Variants in DGKG observed in about 807,000 individuals in gnomAD.
DGKG encodes the protein diacylglycerol kinase gamma, also known as DAG kinase gamma.
In DGKG, 78 loss-of-function variants were observed where a neutral mutation model predicts 105.3. That is an observed-to-expected ratio of 0.74 (90% CI 0.62 to 0.89). The LOEUF is 0.89. Ranked by LOEUF, DGKG falls within the 40% of genes least tolerant of loss-of-function variation. The pLI, the probability that DGKG is intolerant of heterozygous loss-of-function variation, is 0.00. For synonymous variants in DGKG, 346 were observed against 367.1 expected, an observed-to-expected ratio of 0.94 and a Z score of 0.66; for missense variants, 958 against 1,020.1, an observed-to-expected ratio of 0.94 and a Z score of 0.83.
intron 22 of DGKG, among the ~76,000 whole-genome samples, chr3:186,181,703 A>G (rs994487693): frequency 1.3e-5 from 2 of 152,262 alleles, no homozygotes; most frequent in Non-Finnish European, 2.9e-5. Flanking sequence ...ATTGCACTCC[A>G]GCCTGGGCAA....
At chr3:186,280,837 G>T in intron 7 of DGKG, 93 bp from the exon 8 acceptor site, 1 of 1,013,432 alleles carries the variant, frequency 9.9e-7, no homozygotes, top group Non-Finnish European at 1.5e-6. Flanking sequence ...GTGGGAAGAG[G>T]GACAGGGCAG....
chr3:186,271,658 G>A (rs1471881881), intron 11 of DGKG, among the ~76,000 whole-genome samples: 1 of 152,120 alleles, frequency 6.6e-6, no homozygotes, highest in Non-Finnish European at 1.5e-5. Flanking sequence ...CACTCAGCTG[G>A]CCTCATAAGA....
At chr3:186,202,551 C>A (rs1215883089) in intron 21 of DGKG, among the ~76,000 whole-genome samples, 1 of 152,214 alleles carries the variant, frequency 6.6e-6, no homozygotes, top group African/African-American at 2.4e-5. Context: ...TCTAAAAAGT[C>A]TAGGTCATTT....
chr3:186,266,215 A>C (rs1457863046), intron 13 of DGKG, among the ~76,000 whole-genome samples: 1 of 152,196 alleles, frequency 6.6e-6, no homozygotes, highest in Non-Finnish European at 1.5e-5. Context: ...TGAATTTCAT[A>C]TAATGGATTC....
rs140036781 is a variant in DGKG at position 186,298,199 on chromosome 3, T to C, written c.175A>G (p.Met59Val). Residue 59 changes from methionine (M) to valine (V), a missense_variant, in exon 4 of 25, where the codon ATG becomes GTG. This residue lies in a region of DGKG where 643 missense variants were observed against 619.5 expected (regional missense o/e 1.04). Transcript: ENST00000265022. The part of the protein sequence containing the change: ...PISYDVFKLF[M>V]RAYLEVDLPQ... Reference sequence around the variant, plus strand: ...AGGTCCACCTCCAGGTACGCCCTCATGAACAGCTTGAAGACATCATAGCTA... The same window carrying C: ...AGGTCCACCTCCAGGTACGCCCTCACGAACAGCTTGAAGACATCATAGCTA... 8.7e-6 allele frequency: 14 copies of C among 1,611,170 alleles called. No homozygotes were observed. In the East Asian group the frequency reaches 1.6e-4, roughly 18 times the overall value.
At chr3:186,297,171 G>T (rs1476473028) in intron 5 of DGKG, among the ~76,000 whole-genome samples, 2 of 151,712 alleles carry the variant, frequency 1.3e-5, no homozygotes, top group Non-Finnish European at 2.9e-5. Context: ...CATCTAGCAA[G>T]CTGTCCCAAG....
chr3:186,247,483 C>T (rs1050057048), intron 19 of DGKG, among the ~76,000 whole-genome samples: 3 of 152,098 alleles, frequency 2.0e-5, no homozygotes, highest in Non-Finnish European at 2.9e-5. Context: ...CAGTGGAGTC[C>T]GCCTCTATTT....
intron 1 of DGKG, among the ~76,000 whole-genome samples, chr3:186,357,672 CACA>C (rs1190829741): frequency 6.6e-6 from 1 of 152,124 alleles, no homozygotes; most frequent in African/African-American, 2.4e-5. Context: ...CTAATATTAC[CACA>C]ACATTTACTA....
At chr3:186,355,403 TCACCAC>T (rs148873242) in intron 1 of DGKG, among the ~76,000 whole-genome samples, 4 of 125,054 alleles carry the variant, frequency 3.2e-5, no homozygotes, top group South Asian at 2.8e-4. Flanking sequence ...ATCACCACTA[TCACCAC>T]CACCACCACC....
intron 21 of DGKG, among the ~76,000 whole-genome samples, chr3:186,192,166 G>A (rs1456696641): frequency 3.9e-5 from 6 of 152,110 alleles, no homozygotes; most frequent in East Asian, 3.9e-4. Flanking sequence ...CTGTCACCAC[G>A]CCCAGCTAAT....
chr3:186,193,484 C>A lies in DGKG; in HGVS notation c.1918-5105G>T, dbSNP rs144470574. 2.2e-3 allele frequency among the ~76,000 whole-genome samples: 334 copies of A among 152,372 alleles called. 1 individual carries two copies. The highest frequency in any genetic ancestry group is 6.9e-3 in the African/African-American group (288 of 41,598). On this transcript the variant is annotated intron_variant, in intron 21 of 24. Coordinates refer to ENST00000265022, the MANE Select transcript of DGKG (RefSeq NM_001346.3). ...ATTTATCTTCCTGAATTCACTCCCC[C>A]TACCTGAGGCTTTGCTGGAGGCATC...
chr3:186,334,543 ATG>A (rs1482729524), intron 1 of DGKG, among the ~76,000 whole-genome samples: 1 of 152,194 alleles, frequency 6.6e-6, no homozygotes, highest in Non-Finnish European at 1.5e-5. Flanking sequence ...CCCAGACAAT[ATG>A]TCCCTGGATG....
intron 1 of DGKG, among the ~76,000 whole-genome samples, chr3:186,328,693 A>G (rs1251301076): frequency 1.3e-5 from 2 of 150,894 alleles, no homozygotes; most frequent in African/African-American, 4.9e-5. Flanking sequence ...CTCCTGCCTC[A>G]GCCTCCCGAG....
intron 22 of DGKG, among the ~76,000 whole-genome samples, chr3:186,177,375 A>G (rs1717132815): frequency 6.6e-6 from 1 of 152,164 alleles, no homozygotes; most frequent in Non-Finnish European, 1.5e-5. Context: ...AGCTCCCAGG[A>G]CTAACACACA....
At chr3:186,197,367 A>G (rs554471245) in intron 21 of DGKG, among the ~76,000 whole-genome samples, 1 of 152,234 alleles carries the variant, frequency 6.6e-6, no homozygotes, top group East Asian at 1.9e-4. Flanking sequence ...AGCCGCAGAT[A>G]GACCCTAAAA....
Position 186,238,072 on chromosome 3 carries a change from CACT to C in DGKG, c.1826+4429_1826+4431del, listed in dbSNP as rs547524804. Among the ~76,000 whole-genome samples the C allele has an allele frequency of 9.9e-4, 151 of 152,086 alleles. 1 individual carries two copies. The highest frequency in any genetic ancestry group is 1.9e-3 in the Non-Finnish European group (128 of 67,976). On this transcript the variant is annotated intron_variant, in intron 20 of 24. Coordinates refer to ENST00000265022, the MANE Select transcript of DGKG (RefSeq NM_001346.3). ...CTTTCGGAGGCCATGGCAGGCAAAT[CACT>C]TGAGGTCAGGAGTTCAAGACCAGGC... is the stretch of plus-strand genomic sequence containing the variant.
At chr3:186,255,064 C>A (rs577438324) in intron 17 of DGKG, among the ~76,000 whole-genome samples, 1 of 152,364 alleles carries the variant, frequency 6.6e-6, no homozygotes, top group East Asian at 1.9e-4. Context: ...CCAGCCTGGA[C>A]CTGGTGCCTC....
In DGKG at chr3:186,320,645, G is replaced by T; in HGVS notation, c.-186C>A. On this transcript the variant is annotated 5_prime_UTR_variant, in exon 2 of 25. Coordinates refer to ENST00000265022, the MANE Select transcript of DGKG (RefSeq NM_001346.3). ...TCTCAGAAGATGAGACAAGATCTCT[G>T]CTATTCCTTAGGCAACATCCTCCTG... 1.1e-6 allele frequency: 1 copy of T among 914,354 alleles called. No homozygotes were observed. Among genetic ancestry groups the T allele is most frequent in the Non-Finnish European group, 1.6e-6 (1 of 644,514 alleles). The allele number at this position is 914,354 out of a possible 1,614,324, so 56.6% of individuals were successfully genotyped here.
intron 23 of DGKG, among the ~76,000 whole-genome samples, chr3:186,164,228 G>T (rs1412301973): frequency 6.6e-6 from 1 of 152,210 alleles, no homozygotes; most frequent in African/African-American, 2.4e-5. Context: ...AGTGAAAAAG[G>T]AAAGGAATAA....
Sources: gnomAD v4.1 joint callset for allele counts (sites outside exome capture counted in the v4.1 genomes callset) on GRCh38, gnomAD v4.1.1 for gene constraint, gnomAD v4.1.1 regional missense constraint, MANE v1.5 for transcripts, NCBI Gene and HGNC (gene_info 2026-07-23, HGNC 2026-07-21) for gene names.